Variants in RNF220 observed in about 807,000 individuals in gnomAD.
RNF220 encodes E3 ubiquitin-protein ligase RNF220.
Under a neutral mutation model 67.1 loss-of-function variants are expected in RNF220, and 7 were observed. The ratio of observed to expected loss-of-function variants is 0.10; its 90% confidence interval spans 0.06 to 0.20. The LOEUF (loss-of-function observed/expected upper bound fraction) is 0.20, where lower values mean the gene tolerates loss of function less well. RNF220 is among the 10% of genes least tolerant of loss of function. The pLI is 1.00. For synonymous variants in RNF220, 270 were observed against 283.2 expected (o/e 0.95, Z 0.47); for missense variants, 565 against 740.3 (o/e 0.76, Z 2.75).
At chr1:44,483,295 CT>C (rs1415553231) in intron 2 of RNF220, among the ~76,000 whole-genome samples, 2 of 152,126 alleles carry the variant, frequency 1.3e-5, no homozygotes, top group Admixed American at 1.3e-4. Context: ...CCGGTTAGAC[CT>C]GTTCTACCTT....
At chr1:44,468,152 T>TGGTGGCTCACGCCTGTAATCCC (rs1553225454) in intron 2 of RNF220, among the ~76,000 whole-genome samples, 1 of 100,350 alleles carries the variant, frequency 1.0e-5, no homozygotes, top group African/African-American at 3.6e-5. Context: ...ATGGCACTGA[T>TGGTGGCTCACGCCTGTAATCCC]AGATTTGCTC....
chr1:44,503,008 T>C (rs189658451), intron 2 of RNF220, among the ~76,000 whole-genome samples: 6 of 152,198 alleles, frequency 3.9e-5, no homozygotes, highest in Middle Eastern at 3.4e-3. Flanking sequence ...ATTTCATTGA[T>C]ATTTTTTACT....
intron 5 of RNF220, among the ~76,000 whole-genome samples, chr1:44,631,183 C>A (rs1205284793): frequency 2.0e-5 from 3 of 152,160 alleles, no homozygotes; most frequent in African/African-American, 7.2e-5. Flanking sequence ...GTGGTCAGTC[C>A]ACTGATAAAA....
At chr1:44,424,652 T>C (rs923603624) in intron 2 of RNF220, among the ~76,000 whole-genome samples, 5 of 152,112 alleles carry the variant, frequency 3.3e-5, no homozygotes, top group Non-Finnish European at 4.4e-5. Flanking sequence ...CCTCATCCAG[T>C]CTCCTGTCTT....
chr1:44,616,949 G>C (rs1240742971), intron 3 of RNF220, among the ~76,000 whole-genome samples: 1 of 152,010 alleles, frequency 6.6e-6, no homozygotes, highest in African/African-American at 2.4e-5. Flanking sequence ...CCCCACCCAT[G>C]ACTCTGCACA....
chr1:44,620,546 C>G (rs1643748437), intron 3 of RNF220, among the ~76,000 whole-genome samples: 1 of 152,258 alleles, frequency 6.6e-6, no homozygotes, highest in South Asian at 2.1e-4. Flanking sequence ...TCAAAAGCAG[C>G]TCCGTGCCCT....
rs1387164472 is a variant in RNF220 at position 44,552,563 on chromosome 1, CTTCTT to C, written c.626-61599_626-61595del. 1.3e-3 allele frequency among the ~76,000 whole-genome samples: 96 copies of C among 71,356 alleles called. 1 individual carries two copies. Among genetic ancestry groups the C allele is most frequent in the African/African-American group, 4.2e-3 (84 of 20,196 alleles). 46.8% of individuals were successfully genotyped at this position (71,356 alleles called of 152,430 possible). Reference sequence around the variant, plus strand: ...AATGGCTCCCTGCTATTCTAAACTTCTTCTTTTTTTTTTTTTTTTTTTTTTGAGAC... The same window carrying C: ...AATGGCTCCCTGCTATTCTAAACTTCTTTTTTTTTTTTTTTTTTTTGAGAC... On this transcript the variant is annotated intron_variant, in intron 2 of 14. Coordinates refer to ENST00000361799, the MANE Select transcript of RNF220 (RefSeq NM_018150.4).
rs186995780 is a variant in RNF220 at position 44,509,523 on chromosome 1, C to T, written c.625+96801C>T. 3.4e-5 allele frequency among the ~76,000 whole-genome samples: 5 copies of T among 149,152 alleles called. No homozygotes were observed. In the Admixed American group the frequency reaches 3.4e-4, roughly 10 times the overall value. Reference sequence around the variant, plus strand: ...TGAGATCATGCCACTGCCCTCCAGCCTGGGCAACAGTGTGAGACTCTGTCT... The same window carrying T: ...TGAGATCATGCCACTGCCCTCCAGCTTGGGCAACAGTGTGAGACTCTGTCT... On this transcript the variant is annotated intron_variant, in intron 2 of 14. Transcript: ENST00000361799.
At chr1:44,479,048 A>G (rs980482874) in intron 2 of RNF220, among the ~76,000 whole-genome samples, 41 of 151,934 alleles carry the variant, frequency 2.7e-4, no homozygotes, top group African/African-American at 7.2e-4. Flanking sequence ...TACATCTTCA[A>G]TAGTCTCTGT....
rs1352844323 is a variant in RNF220, at chr1:44,626,331, G to T, written c.839G>T (p.Gly280Val). 6.2e-7 allele frequency: 1 copy of T among 1,614,118 alleles called. No individual in the cohort carries two copies. Among genetic ancestry groups the T allele is most frequent in the South Asian group, 1.1e-5 (1 of 91,082 alleles). ...LLLSASIKREGESPTASPHSS... is the reference protein window; with the variant it reads ...LLLSASIKREVESPTASPHSS... ...TTGTCTGCTTCCATCAAGAGGGAAG[G>T]AGAGTCTCCAACGGCATCACCCCAC... Residue 280 changes from glycine to valine, a missense_variant, in exon 5 of 15, where the codon GGA (glycine) becomes GTA (valine). Physicochemically the swap from Gly to Val is moderately radical, Grantham distance 109. Transcript: ENST00000361799.
intron 2 of RNF220, among the ~76,000 whole-genome samples, chr1:44,594,424 CG>C (rs1666332099): frequency 2.0e-5 from 3 of 152,212 alleles, no homozygotes; most frequent in Non-Finnish European, 4.4e-5. Context: ...CAGAGCCGTA[CG>C]GGGTAAGGCA....
rs370236943 is a variant in RNF220, at chr1:44,504,190, C to T, written c.625+91468C>T. Among the ~76,000 whole-genome samples, 22 of 152,260 alleles carry T rather than the reference C, an allele frequency of 1.4e-4. No homozygotes were observed. In the South Asian group the frequency reaches 3.7e-3, roughly 26 times the overall value. On this transcript the variant is annotated intron_variant, in intron 2 of 14. Transcript: ENST00000361799. Reference sequence around the variant, plus strand: ...AGGCTCTCAGATCATTCTGATGCTCCGTAAAGTTCTAGGTATGCTGATCAA... The same window carrying T: ...AGGCTCTCAGATCATTCTGATGCTCTGTAAAGTTCTAGGTATGCTGATCAA...
In RNF220 at chr1:44,606,189, G is replaced by A. The variant is rs546179627; in HGVS notation, c.626-7976G>A. On this transcript the variant is annotated intron_variant, in intron 2 of 14. Coordinates refer to ENST00000361799, the MANE Select transcript of RNF220 (RefSeq NM_018150.4). This position sits in a 1 kb window ranked among gnomAD's most constrained non-coding sequence, Gnocchi z 4.2. Reference sequence around the variant, plus strand: ...ATTTGACGTATTAATAAAACCAGCCGCATTGCTCTGGCCCGGAGACTGGGG... The same window carrying A: ...ATTTGACGTATTAATAAAACCAGCCACATTGCTCTGGCCCGGAGACTGGGG... Among the ~76,000 whole-genome samples the A allele has an allele frequency of 2.0e-5, 3 of 152,354 alleles. No individual in the cohort carries two copies. The highest frequency in any genetic ancestry group is 4.8e-5 in the African/African-American group (2 of 41,582).
At chr1:44,616,982 C>T (rs948176876) in intron 3 of RNF220, among the ~76,000 whole-genome samples, 8 of 152,322 alleles carry the variant, frequency 5.3e-5, no homozygotes, top group South Asian at 4.1e-4. Flanking sequence ...CTCACATCCT[C>T]CCAGAGCATC....
intron 2 of RNF220, among the ~76,000 whole-genome samples, chr1:44,579,164 A>G (rs1028801113): frequency 6.6e-6 from 1 of 152,062 alleles, no homozygotes; most frequent in African/African-American, 2.4e-5. Flanking sequence ...TCAGAAAAAA[A>G]AAAAAGAAAA....
intron 2 of RNF220, among the ~76,000 whole-genome samples, chr1:44,466,002 A>G (rs1022926636): frequency 3.3e-5 from 5 of 152,178 alleles, no homozygotes; most frequent in Admixed American, 2.6e-4. Context: ...TTGACTTTTT[A>G]TGAAAGATTT....
chr1:44,414,229 G>T (rs913323334), intron 2 of RNF220, among the ~76,000 whole-genome samples: 1 of 152,172 alleles, frequency 6.6e-6, no homozygotes, highest in Non-Finnish European at 1.5e-5. Flanking sequence ...TGGTTCATTT[G>T]ATTTTATTTT....
chr1:44,463,699 G>A (rs2147968779), intron 2 of RNF220, among the ~76,000 whole-genome samples: 1 of 152,146 alleles, frequency 6.6e-6, no homozygotes, highest in East Asian at 1.9e-4. Context: ...TGTATAATTG[G>A]CTTCCATGTA....
intron 2 of RNF220, among the ~76,000 whole-genome samples, chr1:44,481,177 C>G (rs988675119): frequency 2.0e-5 from 3 of 152,090 alleles, no homozygotes; most frequent in African/African-American, 7.2e-5. Context: ...AATCCCAGCA[C>G]GTTGAGAGGC....
Sources: allele counts gnomAD v4.1 joint callset (sites outside exome capture counted in the v4.1 genomes callset), GRCh38; gene constraint gnomAD v4.1.1; non-coding constraint Gnocchi (gnomAD v3.1); transcripts MANE v1.5; gene names NCBI Gene and HGNC (gene_info 2026-07-23, HGNC 2026-07-21).